The following CTNNA2 variants were observed in gnomAD, a reference collection of about 807,000 sequenced individuals.
The protein encoded by CTNNA2 is catenin alpha 2, also known as catenin alpha-2.
Under a neutral mutation model 101.0 loss-of-function variants are expected in CTNNA2, and 42 were observed. The ratio of observed to expected loss-of-function variants is 0.42; its 90% confidence interval spans 0.32 to 0.54. The LOEUF (loss-of-function observed/expected upper bound fraction) is 0.54. CTNNA2 is among the 20% of genes least tolerant of loss of function. The pLI is 0.14. For synonymous variants in CTNNA2, 450 were observed against 456.4 expected, an observed-to-expected ratio of 0.99 and a Z score of 0.18; for missense variants, 871 against 1,223.1, an observed-to-expected ratio of 0.71 and a Z score of 4.29.
intron 15 of CTNNA2, among the ~76,000 whole-genome samples, chr2:80,602,361 A>T (rs1305510001): frequency 6.6e-6 from 1 of 152,046 alleles, no homozygotes; most frequent in South Asian, 2.1e-4. Context: ...GTCAGAATCA[A>T]TCAGCTGGTG....
chr2:79,804,555 G>T (rs2105311134), intron 3 of CTNNA2, among the ~76,000 whole-genome samples: 1 of 152,310 alleles, frequency 6.6e-6, no homozygotes, highest in East Asian at 1.9e-4. Context: ...GAGGTTAAGA[G>T]CCTGAGTGGG....
At chr2:79,381,886 C>A in intron 4 of CTNNA2, among the ~76,000 whole-genome samples, 1 of 152,354 alleles carries the variant, frequency 6.6e-6, no homozygotes, top group Non-Finnish European at 1.5e-5. Context: ...TTTAGCAATG[C>A]AAGCATGTTT....
intron 7 of CTNNA2, among the ~76,000 whole-genome samples, chr2:80,234,976 G>A (rs2149081722): frequency 6.6e-6 from 1 of 152,220 alleles, no homozygotes; most frequent in Non-Finnish European, 1.5e-5. Context: ...GGTGATTGCT[G>A]ATTTGGCCTG....
intron 7 of CTNNA2, among the ~76,000 whole-genome samples, chr2:79,979,287 G>A (rs1046943101): frequency 1.3e-5 from 2 of 152,150 alleles, no homozygotes; most frequent in African/African-American, 2.4e-5. Context: ...TGCGGCTGAG[G>A]TGAGAGGGTT....
At chr2:79,893,819 A>G (rs72918645) in intron 6 of CTNNA2, among the ~76,000 whole-genome samples, 7,193 of 152,228 alleles carry the variant, frequency 0.047, 533 homozygotes, top group African/African-American at 0.16. Flanking sequence ...ATTTATAATT[A>G]TACAAATAAT....
intron 7 of CTNNA2, among the ~76,000 whole-genome samples, chr2:80,353,084 C>T (rs904510914): frequency 2.0e-5 from 3 of 152,244 alleles, no homozygotes; most frequent in Non-Finnish European, 4.4e-5. Flanking sequence ...CCTAGTTCAT[C>T]TTGTTCCACC....
At chr2:80,193,360 T>C (rs1285498734) in intron 7 of CTNNA2, among the ~76,000 whole-genome samples, 1 of 152,172 alleles carries the variant, frequency 6.6e-6, no homozygotes, top group Non-Finnish European at 1.5e-5. Context: ...AAGCTTGAAA[T>C]GGCAATCGGT....
At chr2:79,528,010 A>T (rs1034845629) in intron 1 of CTNNA2, among the ~76,000 whole-genome samples, 1 of 152,230 alleles carries the variant, frequency 6.6e-6, no homozygotes, top group Admixed American at 6.6e-5. Context: ...GATACACGTG[A>T]AACGTGGATA....
intron 3 of CTNNA2, among the ~76,000 whole-genome samples, chr2:79,757,252 G>A (rs1365878390): frequency 7.7e-6 from 1 of 129,582 alleles, no homozygotes; most frequent in Non-Finnish European, 1.6e-5. Context: ...TAACTGAGCA[G>A]AGCATAATAA....
intron 3 of CTNNA2, among the ~76,000 whole-genome samples, chr2:79,372,533 T>A (rs980970186): frequency 1.3e-5 from 2 of 152,104 alleles, no homozygotes; most frequent in Non-Finnish European, 2.9e-5. Flanking sequence ...GGAAAAGGAT[T>A]TCTGCAAAAA....
In CTNNA2 at chr2:79,860,546, G is replaced by GT. The variant is rs56929879; in HGVS notation, c.465+2386dup. On this transcript the variant is annotated intron_variant, in intron 4 of 18. Coordinates refer to ENST00000402739, the MANE Select transcript of CTNNA2 (RefSeq NM_001282597.3). Reference sequence around the variant, plus strand: ...TTCTCCACACAGCCGAGTAAGGGAAGTTTTTTTTTTTTTTTTTTTAACGAT... The same window carrying GT: ...TTCTCCACACAGCCGAGTAAGGGAAGTTTTTTTTTTTTTTTTTTTTAACGAT... Among the ~76,000 whole-genome samples the GT allele has an allele frequency of 2.3e-3, 251 of 107,198 alleles. 7 individuals are homozygous for GT. Among genetic ancestry groups the GT allele is most frequent in the African/African-American group, 5.4e-3 (146 of 27,092 alleles). 70.3% of individuals were successfully genotyped at this position (107,198 alleles called of 152,430 possible). A position where few individuals can be genotyped will look rare whatever the true frequency, so the allele number is the denominator to read the frequency against.
intron 9 of CTNNA2, among the ~76,000 whole-genome samples, chr2:80,509,701 C>A (rs1253184068): frequency 5.9e-5 from 9 of 152,182 alleles, no homozygotes; most frequent in Admixed American, 5.9e-4. Flanking sequence ...TCCCCCTCTG[C>A]TGAGATAATG....
intron 1 of CTNNA2, among the ~76,000 whole-genome samples, chr2:79,610,256 A>G (rs923091710): frequency 6.6e-6 from 1 of 152,120 alleles, no homozygotes; most frequent in Non-Finnish European, 1.5e-5. Context: ...AACCGATTCA[A>G]CTGCAAGTTT....
chr2:79,320,517 C>G, intron 3 of CTNNA2, among the ~76,000 whole-genome samples: 1 of 152,026 alleles, frequency 6.6e-6, no homozygotes, highest in East Asian at 1.9e-4. Flanking sequence ...TCTAGTTTGC[C>G]ATAACGTAAA....
At chr2:80,032,846 C>T (rs1295533790) in intron 7 of CTNNA2, among the ~76,000 whole-genome samples, 1 of 152,066 alleles carries the variant, frequency 6.6e-6, no homozygotes, top group East Asian at 1.9e-4. Context: ...GAAAGACATA[C>T]CACCATGTGC....
intron 7 of CTNNA2, among the ~76,000 whole-genome samples, chr2:80,310,957 T>C (rs1321791436): frequency 7.5e-6 from 1 of 133,554 alleles, no homozygotes; most frequent in Non-Finnish European, 1.5e-5. Flanking sequence ...TGGGTGACAG[T>C]GCGAGACTCC....
At chr2:79,461,588 A>G (rs1487371337) in intron 4 of CTNNA2, among the ~76,000 whole-genome samples, 1 of 152,048 alleles carries the variant, frequency 6.6e-6, no homozygotes, top group Non-Finnish European at 1.5e-5. Flanking sequence ...CCCATTCATT[A>G]CTCATTTAAC....
At chr2:79,524,544 C>CACAA (rs1174567141) in intron 1 of CTNNA2, 1 of 150,810 alleles carries the variant, frequency 6.6e-6, no homozygotes, top group Non-Finnish European at 1.5e-5. Context: ...AACACACACA[C>CACAA]ACATACACAC....
intron 7 of CTNNA2, among the ~76,000 whole-genome samples, chr2:80,080,111 A>G (rs1174791726): frequency 6.6e-6 from 1 of 152,166 alleles, no homozygotes; most frequent in Non-Finnish European, 1.5e-5. Context: ...AGTGTCCTCC[A>G]GGCTGCCTCT....
Sources: allele counts gnomAD v4.1 joint callset (sites outside exome capture counted in the v4.1 genomes callset), GRCh38; gene constraint gnomAD v4.1.1; transcripts MANE v1.5; gene names NCBI Gene and HGNC (gene_info 2026-07-23, HGNC 2026-07-21).